The following PTPRD variants were observed in gnomAD, a reference collection of about 807,000 sequenced individuals.
The protein encoded by PTPRD is receptor-type tyrosine-protein phosphatase delta.
A neutral mutation model predicts 214.5 loss-of-function variants in PTPRD; 34 were observed. The ratio of observed to expected loss-of-function variants is 0.16; its 90% CI spans 0.12 to 0.21. The LOEUF (loss-of-function observed/expected upper bound fraction) is 0.21, where lower values mean the gene tolerates loss of function less well. Ranked by LOEUF, PTPRD falls within the 10% of genes least tolerant of loss-of-function variation. The pLI is 1.00. For missense variants in PTPRD, 2,545 were observed against 2,398.7 expected, an observed-to-expected ratio of 1.06 and a Z score of -1.27; for synonymous variants, 1,128 against 845.7, an observed-to-expected ratio of 1.33 and a Z score of -5.79.
chr9:9,197,718 C>A (rs1014335176), intron 9 of PTPRD, among the ~76,000 whole-genome samples: 9 of 152,136 alleles, frequency 5.9e-5, no homozygotes, highest in Middle Eastern at 3.2e-3. Flanking sequence ...GCCTATTTTT[C>A]TTTTCTGCTG....
intron 11 of PTPRD, among the ~76,000 whole-genome samples, chr9:9,013,573 G>T (rs79348904): frequency 0.073 from 11,156 of 152,104 alleles, 524 homozygotes; most frequent in Admixed American, 0.11. Flanking sequence ...TTCTTTCCGT[G>T]GGATAAAAGA....
intron 10 of PTPRD, among the ~76,000 whole-genome samples, chr9:9,128,641 C>A (rs1276276314): frequency 6.6e-6 from 1 of 152,172 alleles, no homozygotes; most frequent in Non-Finnish European, 1.5e-5. Flanking sequence ...TATCATACGA[C>A]TTTTTGAGTG....
chr9:8,974,301 G>A (rs1412483682), intron 11 of PTPRD, among the ~76,000 whole-genome samples: 3 of 151,936 alleles, frequency 2.0e-5, no homozygotes, highest in Admixed American at 2.0e-4. Context: ...TTATTGAATA[G>A]GGAATCTTTT....
chr9:10,053,315 C>A (rs1329773865), intron 3 of PTPRD, among the ~76,000 whole-genome samples: 1 of 152,140 alleles, frequency 6.6e-6, no homozygotes, highest in African/African-American at 2.4e-5. Context: ...CTTATTTCTG[C>A]AATCATATTC....
In PTPRD at chr9:9,516,986, A is replaced by G. The variant is rs556582225; in HGVS notation, c.-237+57746T>C. ...GGCCCAAAAATGAATAAGAAAACAA[A>G]TGATATAAACATAATAAATGCTGTA... On this transcript the variant is annotated intron_variant, in intron 8 of 45. Transcript: ENST00000381196. Among the ~76,000 whole-genome samples the G allele has an allele frequency of 5.3e-5, 8 of 152,316 alleles. No homozygotes were observed. The South Asian group carries it at 1.7e-3, about 32-fold the overall frequency.
intron 10 of PTPRD, among the ~76,000 whole-genome samples, chr9:9,027,949 G>A (rs2099592649): frequency 6.6e-6 from 1 of 151,810 alleles, no homozygotes; most frequent in Admixed American, 6.6e-5. Context: ...GCCACATTTA[G>A]TTTTTTTAGC....
intron 3 of PTPRD, among the ~76,000 whole-genome samples, chr9:10,152,612 G>A (rs2099068266): frequency 6.6e-6 from 1 of 152,114 alleles, no homozygotes; most frequent in African/African-American, 2.4e-5. Context: ...GATCACCTGA[G>A]GTCAGGAGTT....
chr9:10,224,730 A>G (rs1024644798), intron 3 of PTPRD, among the ~76,000 whole-genome samples: 1 of 151,930 alleles, frequency 6.6e-6, no homozygotes, highest in Non-Finnish European at 1.5e-5. Context: ...TTTCACTTCC[A>G]CTGAGACAGG....
At chr9:9,175,080 C>T (rs1017973424) in intron 10 of PTPRD, among the ~76,000 whole-genome samples, 1 of 152,122 alleles carries the variant, frequency 6.6e-6, no homozygotes, top group African/African-American at 2.4e-5. Context: ...TCACCAGACA[C>T]CAAATTTGCC....
chr9:9,422,478 C>A (rs146188458), intron 8 of PTPRD, among the ~76,000 whole-genome samples: 2 of 152,080 alleles, frequency 1.3e-5, no homozygotes, highest in South Asian at 4.1e-4. Context: ...TTTTAAAGCA[C>A]TGGAGAGCTT....
Position 9,300,633 on chromosome 9 carries a change from G to A in PTPRD, c.-203+96816C>T, listed in dbSNP as rs141762542. ...GTGTCCTTATAAAAGGGACATCAGA[G>A]AGCTCTCTCACCTCTGTCTTCTGCT... On this transcript the variant is annotated intron_variant, in intron 9 of 45. Transcript: ENST00000381196. Among the ~76,000 whole-genome samples the A allele has an allele frequency of 1.9e-3, 294 of 151,846 alleles. 3 individuals carry two copies. Among genetic ancestry groups the A allele is most frequent in the African/African-American group, 6.8e-3 (282 of 41,494 alleles).
At chr9:9,180,227 G>C (rs1371802583) in intron 10 of PTPRD, among the ~76,000 whole-genome samples, 3 of 151,758 alleles carry the variant, frequency 2.0e-5, no homozygotes, top group Non-Finnish European at 4.4e-5. Flanking sequence ...ACTGGATTAA[G>C]AAAATGTGGC....
At chr9:8,655,080 G>A (rs1223187492) in intron 12 of PTPRD, among the ~76,000 whole-genome samples, 1 of 151,896 alleles carries the variant, frequency 6.6e-6, no homozygotes, top group Non-Finnish European at 1.5e-5. Context: ...AGCAATCAAC[G>A]ATTCAAAAAA....
chr9:10,007,888 C>T (rs778127510), intron 4 of PTPRD, among the ~76,000 whole-genome samples: 4 of 151,836 alleles, frequency 2.6e-5, no homozygotes, highest in Non-Finnish European at 4.4e-5. Context: ...TTAGGTTATT[C>T]TATTAAGATC....
chr9:10,169,909 A>C (rs1177091652), intron 3 of PTPRD, among the ~76,000 whole-genome samples: 4 of 152,234 alleles, frequency 2.6e-5, no homozygotes, highest in Non-Finnish European at 5.9e-5. Flanking sequence ...GATTTAGTTT[A>C]TAAAGTCTTT....
At chr9:9,043,814 G>A (rs2099655217) in intron 10 of PTPRD, among the ~76,000 whole-genome samples, 2 of 152,006 alleles carry the variant, frequency 1.3e-5, no homozygotes, top group Non-Finnish European at 2.9e-5. Context: ...TGAAGCAGGA[G>A]AATCGCTTGA....
intron 3 of PTPRD, among the ~76,000 whole-genome samples, chr9:10,111,685 C>T (rs2098693263): frequency 6.6e-6 from 1 of 152,028 alleles, no homozygotes; most frequent in Admixed American, 6.6e-5. Flanking sequence ...TGTAGGTTTT[C>T]TACTTTTCAT....
At chr9:8,725,070 T>C (rs1297863790) in intron 12 of PTPRD, among the ~76,000 whole-genome samples, 1 of 152,222 alleles carries the variant, frequency 6.6e-6, no homozygotes, top group East Asian at 1.9e-4. Context: ...TGTCATTATG[T>C]AATATATTAA....
At chr9:10,393,383 T>C (rs1285976253) in intron 2 of PTPRD, among the ~76,000 whole-genome samples, 1 of 151,694 alleles carries the variant, frequency 6.6e-6, no homozygotes, top group East Asian at 1.9e-4. Context: ...ATCCATATCA[T>C]AATGAGATTA....
Sources: allele counts gnomAD v4.1 joint callset (sites outside exome capture counted in the v4.1 genomes callset), GRCh38; gene constraint gnomAD v4.1.1; transcripts MANE v1.5; gene names NCBI Gene and HGNC (gene_info 2026-07-23, HGNC 2026-07-21).